Variants in PRKD3 observed in about 807,000 individuals in gnomAD.
PRKD3 encodes serine/threonine-protein kinase D3.
In PRKD3, 47 loss-of-function variants were observed where a neutral mutation model predicts 99.2. That is an observed-to-expected ratio of 0.47 (90% confidence interval 0.38 to 0.60). PRKD3 has a LOEUF of 0.60. PRKD3 is among the 20% of genes least tolerant of loss of function. PRKD3 has a pLI of 0.00. For missense variants in PRKD3, 1,019 were observed against 1,088.4 expected, an observed-to-expected ratio of 0.94 and a Z score of 0.90; for synonymous variants, 392 against 355.4, an observed-to-expected ratio of 1.10 and a Z score of -1.16.
chr2:37,278,077 A>C, intron 8 of PRKD3, 88 bp from the exon 9 acceptor site: 1 of 1,162,462 alleles, frequency 8.6e-7, no homozygotes, highest in Non-Finnish European at 1.2e-6. Flanking sequence ...TTTAAAGACA[A>C]CTGAGCTAAA....
At chr2:37,310,963 C>G (rs1470471558) in intron 2 of PRKD3, among the ~76,000 whole-genome samples, 1 of 152,206 alleles carries the variant, frequency 6.6e-6, no homozygotes, top group Non-Finnish European at 1.5e-5. Context: ...CAGAGATTAT[C>G]ACGAATTTCT....
intron 2 of PRKD3, among the ~76,000 whole-genome samples, chr2:37,313,193 T>C (rs1267245772): frequency 1.3e-5 from 2 of 152,126 alleles, no homozygotes; most frequent in African/African-American, 4.8e-5. Context: ...TACTCAACTC[T>C]GCTGCTGCAG....
rs746941902 is a variant in PRKD3 at position 37,267,486 on chromosome 2, T to C, written c.1828A>G (p.Met610Val). The C allele has an allele frequency of 6.2e-7, 1 of 1,611,668 alleles. No homozygotes were observed. Among genetic ancestry groups the C allele is most frequent in the South Asian group, 1.1e-5 (1 of 90,644 alleles). The change falls in exon 14 of 19, where the codon ATG becomes GTG. Residue 610 changes from methionine (M) to valine (V), a missense_variant. By Grantham distance (21) the Met-to-Val change is conservative (BLOSUM62 1). This residue lies in a region of PRKD3 where 184 missense variants were observed against 275.1 expected (regional missense o/e 0.67). Coordinates refer to ENST00000234179, the MANE Select transcript of PRKD3 (RefSeq NM_005813.6). The part of the protein sequence containing the change: ...RDVAIKVIDK[M>V]RFPTKQESQL... ...CTTTCTTGTTTTGTGGGGAATCTCA[T>C]CTTATCAATTACTTTAATAGCCACA... is the stretch of plus-strand genomic sequence containing the variant.
chr2:37,313,322 A>G (rs1354760334), intron 2 of PRKD3, among the ~76,000 whole-genome samples: 1 of 142,338 alleles, frequency 7.0e-6, no homozygotes, highest in Non-Finnish European at 1.5e-5. Context: ...TGACCCCTGC[A>G]TTAGCGGAAT....
intron 1 of PRKD3, among the ~76,000 whole-genome samples, chr2:37,322,031 T>C (rs966065375): frequency 1.6e-4 from 24 of 151,440 alleles, no homozygotes; most frequent in African/African-American, 5.8e-4. Context: ...AGTAAAGAGT[T>C]TTCCAGGTTC....
intron 1 of PRKD3, chr2:37,324,113 C>A (rs1336553984): frequency 2.1e-6 from 2 of 942,666 alleles, no homozygotes; most frequent in Non-Finnish European, 2.5e-6. Context: ...GGGAGCAACT[C>A]GGAACAATGC....
chr2:37,313,964 G>A (rs917907420), intron 2 of PRKD3, among the ~76,000 whole-genome samples: 4 of 152,040 alleles, frequency 2.6e-5, no homozygotes, highest in South Asian at 2.1e-4. Context: ...TTGAAAAAGG[G>A]ATCAATATAT....
chr2:37,270,834 G>A (rs1221665555), intron 12 of PRKD3, among the ~76,000 whole-genome samples: 1 of 152,210 alleles, frequency 6.6e-6, no homozygotes, highest in Admixed American at 6.5e-5. Context: ...TGCTAGGAAA[G>A]TGTATGTGTA....
At chr2:37,296,156 A>C (rs922546284) in intron 2 of PRKD3, among the ~76,000 whole-genome samples, 1 of 152,254 alleles carries the variant, frequency 6.6e-6, no homozygotes, top group Admixed American at 6.5e-5. Context: ...CATATGGCTC[A>C]TCAATACTGT....
chr2:37,273,408 CTAAA>C (rs1161733624), intron 11 of PRKD3, among the ~76,000 whole-genome samples: 1 of 152,130 alleles, frequency 6.6e-6, no homozygotes, highest in Non-Finnish European at 1.5e-5. Context: ...CTTGTCTCAA[CTAAA>C]TAATGTTACC....
chr2:37,293,944 A>G (rs1430354911), intron 2 of PRKD3, among the ~76,000 whole-genome samples: 1 of 152,214 alleles, frequency 6.6e-6, no homozygotes, highest in African/African-American at 2.4e-5. Context: ...GCTTTGCCAA[A>G]TGGAAAAAGC....
At chr2:37,304,519 T>A (rs1334967736) in intron 2 of PRKD3, among the ~76,000 whole-genome samples, 2 of 152,070 alleles carry the variant, frequency 1.3e-5, no homozygotes, top group African/African-American at 4.8e-5. Flanking sequence ...GGCAGATGGA[T>A]CGCCTGAGGA....
chr2:37,321,264 G>T (rs1174657958), intron 1 of PRKD3, among the ~76,000 whole-genome samples: 8 of 151,924 alleles, frequency 5.3e-5, no homozygotes, highest in African/African-American at 1.9e-4. Flanking sequence ...TATTCTTTTG[G>T]GGAGCTAGCT....
intron 16 of PRKD3, among the ~76,000 whole-genome samples, chr2:37,258,505 T>C (rs1239980820): frequency 6.6e-6 from 1 of 152,206 alleles, no homozygotes; most frequent in African/African-American, 2.4e-5. Flanking sequence ...TTATTTTCCC[T>C]TTGCTTCTCA....
At position 37,256,628 on chromosome 2, in the gene PRKD3, ATTTTTTTTTTTTTTT is replaced by A. The variant is rs56389006; in HGVS notation, c.2413+19_2413+33del. ...TTTAGGCTTAAAACACATAGCCAAAATTTTTTTTTTTTTTTTTTTTTTTTTTTTTTTACCTTCACC... is the reference window on the plus strand; with the variant it reads ...TTTAGGCTTAAAACACATAGCCAAAATTTTTTTTTTTTTTTTACCTTCACC... On this transcript the variant is annotated intron_variant, in intron 17 of 18. Coordinates refer to ENST00000234179, the MANE Select transcript of PRKD3 (RefSeq NM_005813.6). 6.0e-5 allele frequency: 72 copies of A among 1,202,280 alleles called. No individual in the cohort carries two copies. Among genetic ancestry groups the A allele is most frequent in the African/African-American group, 3.2e-4 (18 of 56,640 alleles). 74.5% of individuals were successfully genotyped at this position (1,202,280 alleles called of 1,614,324 possible). A position where few individuals can be genotyped will look rare whatever the true frequency, so the allele number is the denominator to read the frequency against.
intron 2 of PRKD3, among the ~76,000 whole-genome samples, chr2:37,298,286 A>T (rs907670443): frequency 2.6e-5 from 4 of 152,174 alleles, no homozygotes; most frequent in Non-Finnish European, 5.9e-5. Context: ...AATATTTTAC[A>T]TACCAAATAC....
At chr2:37,295,044 C>T (rs1670613489) in intron 2 of PRKD3, among the ~76,000 whole-genome samples, 1 of 152,164 alleles carries the variant, frequency 6.6e-6, no homozygotes, top group Non-Finnish European at 1.5e-5. Context: ...AACTGCACTC[C>T]AGTCTGGGTG....
At chr2:37,256,407 T>C (rs1464090813) in intron 17 of PRKD3, among the ~76,000 whole-genome samples, 1 of 152,170 alleles carries the variant, frequency 6.6e-6, no homozygotes, top group Non-Finnish European at 1.5e-5. Flanking sequence ...GTTAAAAAGA[T>C]ATTTTAGTGG....
At chr2:37,265,980 C>T (rs1668809420) in intron 14 of PRKD3, among the ~76,000 whole-genome samples, 1 of 152,114 alleles carries the variant, frequency 6.6e-6, no homozygotes, top group African/African-American at 2.4e-5. Flanking sequence ...TATTGTTTCG[C>T]TTACTAGTTG....
Sources: allele counts gnomAD v4.1 joint callset (sites outside exome capture counted in the v4.1 genomes callset), GRCh38; gene constraint gnomAD v4.1.1; regional missense constraint gnomAD v4.1.1; transcripts MANE v1.5; gene names NCBI Gene and HGNC (gene_info 2026-07-23, HGNC 2026-07-21).